Variants in PHYHIP observed in about 807,000 individuals in gnomAD.
The protein encoded by PHYHIP is phytanoyl-CoA 2-hydroxylase interacting protein, also known as phytanoyl-CoA hydroxylase-interacting protein.
In PHYHIP, 7 loss-of-function variants were observed where a neutral mutation model predicts 26.1. The observed-to-expected ratio is 0.27, with a 90% CI of 0.15 to 0.50. PHYHIP has a LOEUF of 0.50. Ranked by LOEUF, PHYHIP falls within the 20% of genes least tolerant of loss-of-function variation. The pLI is 0.98. For synonymous variants in PHYHIP, 206 were observed against 183.4 expected (o/e 1.12, Z -1.00); for missense variants, 232 against 454.7 (o/e 0.51, Z 4.45).
chr8:22,228,160 T>C, intron 2 of PHYHIP, 33 bp downstream of exon 2: 1 of 1,599,782 alleles, frequency 6.3e-7, no homozygotes, highest in Non-Finnish European at 8.6e-7. Context: ...GAACAGAAGC[T>C]GGGGAGGGGC....
intron 1 of PHYHIP, among the ~76,000 whole-genome samples, chr8:22,229,234 T>C (rs1360419206): frequency 6.6e-6 from 1 of 152,122 alleles, no homozygotes; most frequent in East Asian, 1.9e-4. Flanking sequence ...GAGCAAATGA[T>C]TTGAACTCCG....
At chr8:22,224,525 G>A (rs896479762) in intron 3 of PHYHIP, among the ~76,000 whole-genome samples, 182 bp from the exon 4 acceptor site, 4 of 152,180 alleles carry the variant, frequency 2.6e-5, no homozygotes, top group African/African-American at 9.7e-5. Context: ...GCCTCTGCTG[G>A]AAACACAGAG....
At chr8:22,229,405 C>T (rs559308755) in intron 1 of PHYHIP, among the ~76,000 whole-genome samples, 2 of 152,200 alleles carry the variant, frequency 1.3e-5, no homozygotes, top group Non-Finnish European at 2.9e-5. Flanking sequence ...CATTTTCTCT[C>T]CCCTCCCTGT....
intron 3 of PHYHIP, among the ~76,000 whole-genome samples, chr8:22,225,619 A>AC (rs1829727088): frequency 7.4e-6 from 1 of 135,982 alleles, no homozygotes; most frequent in South Asian, 2.4e-4. Flanking sequence ...ACATGGTGAA[A>AC]CCCCATCTCT....
At chr8:22,223,529 G>A (rs1223888800) in intron 4 of PHYHIP, among the ~76,000 whole-genome samples, 3 of 152,214 alleles carry the variant, frequency 2.0e-5, no homozygotes, top group African/African-American at 7.2e-5. Flanking sequence ...TCCCTGGCTC[G>A]AATGAACAAG....
At chr8:22,225,832 G>GA (rs1209485803) in intron 3 of PHYHIP, among the ~76,000 whole-genome samples, 3 of 150,234 alleles carry the variant, frequency 2.0e-5, no homozygotes, top group Non-Finnish European at 1.5e-5. Context: ...GGCAGAAGGA[G>GA]AAAAAAAAGA....
At chr8:22,226,045 C>A (rs1472271917) in intron 3 of PHYHIP, among the ~76,000 whole-genome samples, 1 of 152,030 alleles carries the variant, frequency 6.6e-6, no homozygotes, top group African/African-American at 2.4e-5. Flanking sequence ...CGTGAGGGAC[C>A]AAGCACACAT....
chr8:22,228,307 G>A lies in PHYHIP; in HGVS notation c.51C>T (p.Cys17=), dbSNP rs567770484. The part of the protein sequence containing the change: ...PHSIEINNIT[C]DSFRISWAME... The stretch of plus-strand genomic sequence containing the variant: ...TGGCCCAGGAGATGCGGAAGGAGTC[G>A]CAGGTGATGTTGTTGATCTCAATGC... The change falls in exon 2 of 5, where the codon TGC becomes TGT. Residue 17 remains cysteine, a synonymous_variant. Transcript: ENST00000454243. The A allele has an allele frequency of 3.7e-5, 60 of 1,610,444 alleles. No homozygotes were observed. The highest frequency in any genetic ancestry group is 1.5e-4 in the African/African-American group (11 of 74,978).
intron 3 of PHYHIP, among the ~76,000 whole-genome samples, chr8:22,226,097 C>A (rs1829739385): frequency 1.3e-5 from 2 of 152,200 alleles, no homozygotes; most frequent in African/African-American, 4.8e-5. Context: ...AAGTTAAGTT[C>A]TGCTAAGAGA....
chr8:22,227,542 G>A (rs1008946074), intron 2 of PHYHIP: 3 of 450,954 alleles, frequency 6.7e-6, no homozygotes, highest in African/African-American at 4.0e-5. Flanking sequence ...GTCGGCCTGG[G>A]AGCCAGCTGG....
intron 2 of PHYHIP, chr8:22,227,739 A>C (rs1290767424): frequency 2.2e-6 from 1 of 457,392 alleles, no homozygotes; most frequent in Non-Finnish European, 4.4e-6. Context: ...AGGCCACAGC[A>C]AAAGGGCTCC....
intron 1 of PHYHIP, among the ~76,000 whole-genome samples, chr8:22,229,093 C>T (rs1829816894): frequency 6.6e-6 from 1 of 152,178 alleles, no homozygotes; most frequent in African/African-American, 2.4e-5. Flanking sequence ...CTATTAGGGG[C>T]CGGCCATGTG....
Position 22,221,746 on chromosome 8 carries a change from G to A in PHYHIP, c.600C>T (p.Pro200=), listed in dbSNP as rs1240398705. The A allele has an allele frequency of 6.2e-7, 1 of 1,613,242 alleles. No individual in the cohort carries two copies. The highest frequency in any genetic ancestry group is 8.5e-7 in the Non-Finnish European group (1 of 1,179,808). Residue 200 remains proline (P), a synonymous_variant, in exon 5 of 5, where the codon CCC becomes CCT. Coordinates refer to ENST00000454243, the MANE Select transcript of PHYHIP (RefSeq NM_014759.5). This position sits in a 1 kb window ranked among gnomAD's most constrained non-coding sequence, Gnocchi z 7.9. ...FNTGQPPQDS[P]YGRWRFQIPA... is the part of the protein sequence containing the mutation. ...GGATCTGGAAGCGCCAGCGGCCGTAGGGGGAGTCCTGCGGGGGCTGGCCCG... is the reference window on the plus strand; with the variant it reads ...GGATCTGGAAGCGCCAGCGGCCGTAAGGGGAGTCCTGCGGGGGCTGGCCCG...
Position 22,228,307 on chromosome 8 carries a change from G to T in PHYHIP, c.51C>A (p.Cys17Ter). ...TGGCCCAGGAGATGCGGAAGGAGTC[G>T]CAGGTGATGTTGTTGATCTCAATGC... ...PHSIEINNIT[C>*]DSFRISWAME... is the part of the protein sequence containing the mutation. The change falls in exon 2 of 5, where the codon TGC (cysteine) becomes TGA (stop). Residue 17 changes from cysteine to a stop codon, truncating the protein, a stop_gained. Transcript: ENST00000454243. LOFTEE classifies it high-confidence loss of function. 6.2e-7 allele frequency: 1 copy of T among 1,610,444 alleles called. No individual in the cohort carries two copies. Among genetic ancestry groups the T allele is most frequent in the Admixed American group, 1.7e-5 (1 of 59,722 alleles).
At position 22,221,997 on chromosome 8, in the gene PHYHIP, C is replaced by CTGT; in HGVS notation, c.459-111_459-110insACA. 1 of 878,880 alleles carries CTGT rather than the reference C, an allele frequency of 1.1e-6. No homozygotes were observed. The highest frequency in any genetic ancestry group is 1.7e-6 in the Non-Finnish European group (1 of 592,600). 54.4% of individuals were successfully genotyped at this position (878,880 alleles called of 1,614,324 possible). ...AGGAGGGAGGAAGCCAGCCCAGCTC[C>CTGT]CAGCCCTCCCCCAGCCGCCTCCACT... On this transcript the variant is annotated intron_variant, in intron 4 of 4. Coordinates refer to ENST00000454243, the MANE Select transcript of PHYHIP (RefSeq NM_014759.5). This position sits in a 1 kb window ranked among gnomAD's most constrained non-coding sequence, Gnocchi z 7.9.
chr8:22,228,019 A>G (rs7014698), intron 2 of PHYHIP, among the ~76,000 whole-genome samples, 174 bp downstream of exon 2: 14,350 of 152,280 alleles, frequency 0.094, 2,005 homozygotes, highest in African/African-American at 0.31. Flanking sequence ...CCTCTTTACC[A>G]GGGAAGGAGC....
At chr8:22,228,648 G>A (rs1246787954) in intron 1 of PHYHIP, 3 of 285,328 alleles carry the variant, frequency 1.1e-5, no homozygotes, top group Admixed American at 4.9e-5. Context: ...GAGGCAGTGG[G>A]AATGCTGCAA....
rs769583933 is a variant in PHYHIP at position 22,221,824 on chromosome 8, G to A, written c.522C>T (p.Pro174=). Residue 174 remains proline (P), a synonymous_variant, in exon 5 of 5, where the codon CCC becomes CCT. Transcript: ENST00000454243. The surrounding 1 kb of genome is among the most constrained non-coding windows in gnomAD (Gnocchi z 7.9). The stretch of plus-strand genomic sequence containing the variant: ...AGACCCCGTGGAGCATACCGCTGGT[G>A]GGGGAGCCGTGGCTGCCACTGTTGT... ...LKDNSGSHGS[P]TSGMLHGVFF... 1.9e-6 allele frequency: 3 copies of A among 1,594,474 alleles called. No homozygotes were observed. Among genetic ancestry groups the A allele is most frequent in the Non-Finnish European group, 2.6e-6 (3 of 1,170,426 alleles).
Position 22,226,973 on chromosome 8 carries a change from C to T in PHYHIP, c.218G>A (p.Arg73Lys). The T allele has an allele frequency of 1.2e-6, 2 of 1,613,956 alleles. No individual in the cohort carries two copies. Among genetic ancestry groups the T allele is most frequent in the Non-Finnish European group, 1.7e-6 (2 of 1,180,016 alleles). ...AKAVPLPMTV[R>K]GHWFLSPRTE... is the part of the protein sequence containing the mutation. ...GCGGGGGCTCAGGAACCAGTGGCCTCTCACCGTCATGGGCAGCGGCACTGC... is the reference window on the plus strand; with the variant it reads ...GCGGGGGCTCAGGAACCAGTGGCCTTTCACCGTCATGGGCAGCGGCACTGC... Residue 73 changes from arginine (R) to lysine (K), a missense_variant, in exon 3 of 5, where the codon AGA (arginine) becomes AAA (lysine). Coordinates refer to ENST00000454243, the MANE Select transcript of PHYHIP (RefSeq NM_014759.5).
Sources: allele counts gnomAD v4.1 joint callset (sites outside exome capture counted in the v4.1 genomes callset), GRCh38; gene constraint gnomAD v4.1.1; non-coding constraint Gnocchi (gnomAD v3.1); transcripts MANE v1.5; gene names NCBI Gene and HGNC (gene_info 2026-07-23, HGNC 2026-07-21).